Variants in ZDHHC19 observed in about 807,000 individuals in gnomAD.
The protein encoded by ZDHHC19 is zDHHC palmitoyltransferase 19.
In ZDHHC19, 30 loss-of-function variants were observed where a neutral mutation model predicts 33.9. That is an observed-to-expected ratio of 0.88 (90% confidence interval 0.66 to 1.20). The LOEUF is 1.20. Among genes scored for constraint, ZDHHC19 ranks in the 50% most tolerant of loss-of-function variants. The probability of loss-of-function intolerance (pLI) is 0.00; values close to 1 mark genes in which losing one functional copy is unlikely to be tolerated. For missense variants in ZDHHC19, 364 were observed against 401.1 expected, an observed-to-expected ratio of 0.91 and a Z score of 0.79; for synonymous variants, 178 against 167.6, an observed-to-expected ratio of 1.06 and a Z score of -0.48.
At chr3:196,209,651 G>T in intron 2 of ZDHHC19, 136 bp from the exon 3 acceptor site, 1 of 1,171,226 alleles carries the variant, frequency 8.5e-7, no homozygotes, top group African/African-American at 1.5e-5. Flanking sequence ...CACTGAGCAA[G>T]CTGTCCAAGC....
At chr3:196,207,536 C>T in intron 4 of ZDHHC19, 33 bp from the exon 5 acceptor site, 1 of 1,506,082 alleles carries the variant, frequency 6.6e-7, no homozygotes, top group Non-Finnish European at 8.9e-7. Context: ...CTGCGGGACC[C>T]CCACGCCTGG....
rs1721924805 is a variant in ZDHHC19, at chr3:196,197,943, A to C, written c.*20-218T>G. The stretch of plus-strand genomic sequence containing the variant: ...AGTCAATGTTTCCTTTAAATAAAAG[A>C]GTCTCCCGCCACCCGCACCCCCTGG... On this transcript the variant is annotated intron_variant, in intron 7 of 7. Coordinates refer to ENST00000296326, the MANE Select transcript of ZDHHC19 (RefSeq NM_001039617.2). The surrounding 1 kb of genome is among the most constrained non-coding windows in gnomAD (Gnocchi z 4.4). 6.6e-6 allele frequency among the ~76,000 whole-genome samples: 1 copy of C among 152,044 alleles called. No homozygotes were observed. Among genetic ancestry groups the C allele is most frequent in the African/African-American group, 2.4e-5 (1 of 41,396 alleles).
At chr3:196,200,336 ATATATATG>A (rs1391213424) in intron 5 of ZDHHC19, among the ~76,000 whole-genome samples, 1 of 76,732 alleles carries the variant, frequency 1.3e-5, no homozygotes, top group Non-Finnish European at 2.7e-5. Context: ...GGATATATAT[ATATATATG>A]TATATATATA....
At chr3:196,206,420 C>T (rs1188582085) in intron 5 of ZDHHC19, among the ~76,000 whole-genome samples, 1 of 151,432 alleles carries the variant, frequency 6.6e-6, no homozygotes, top group Admixed American at 6.6e-5. Context: ...GCAATCACAG[C>T]TCACTGACTG....
rs4324488 is a variant in ZDHHC19, at chr3:196,204,997, C to G, written c.687+2401G>C. Among the ~76,000 whole-genome samples the G allele has an allele frequency of 6.2e-3, 937 of 151,958 alleles. 12 individuals carry two copies. Among genetic ancestry groups the G allele is most frequent in the African/African-American group, 0.022 (900 of 41,410 alleles). ...GGCTCACACCTGTTGTCTTAGCTAC[C>G]TGGGAGGCTGAGGTGGGAGGATCAC... On this transcript the variant is annotated intron_variant, in intron 5 of 7. Transcript: ENST00000296326.
intron 5 of ZDHHC19, 165 bp from the exon 6 acceptor site, chr3:196,199,039 T>C: frequency 1.7e-6 from 1 of 603,796 alleles, no homozygotes; most frequent in Non-Finnish European, 3.0e-6. Context: ...TGCCCCATCC[T>C]CCTCCTCTTG....
intron 5 of ZDHHC19, among the ~76,000 whole-genome samples, chr3:196,204,481 G>A (rs1031637348): frequency 6.6e-6 from 1 of 152,190 alleles, no homozygotes; most frequent in Non-Finnish European, 1.5e-5. Context: ...TGAAATTCCA[G>A]TGAAAATCCT....
At chr3:196,205,126 A>G (rs1325945491) in intron 5 of ZDHHC19, among the ~76,000 whole-genome samples, 2 of 152,124 alleles carry the variant, frequency 1.3e-5, no homozygotes, top group Non-Finnish European at 2.9e-5. Context: ...ACAAAAAACC[A>G]CATTCAATTA....
chr3:196,199,932 G>A (rs192148965), intron 5 of ZDHHC19, among the ~76,000 whole-genome samples: 7 of 151,898 alleles, frequency 4.6e-5, no homozygotes, highest in Admixed American at 6.6e-5. Context: ...GCGACAGAGC[G>A]ACACTCTGGC....
chr3:196,210,602 G>A lies in ZDHHC19; in HGVS notation c.268+14C>T. 6.2e-7 allele frequency: 1 copy of A among 1,613,904 alleles called. No homozygotes were observed. Among genetic ancestry groups the A allele is most frequent in the East Asian group, 2.2e-5 (1 of 44,872 alleles). On this transcript the variant is annotated intron_variant, in intron 2 of 7. Coordinates refer to ENST00000296326, the MANE Select transcript of ZDHHC19 (RefSeq NM_001039617.2). The stretch of plus-strand genomic sequence containing the variant: ...TGAGTGACACCTCCTTTTCCCAGGG[G>A]GCTGATGCCTCACCTTGATGTAAGA...
In ZDHHC19 at chr3:196,205,060, C is replaced by T. The variant is rs190184015; in HGVS notation, c.687+2338G>A. Among the ~76,000 whole-genome samples the T allele has an allele frequency of 1.4e-4, 21 of 152,172 alleles. No homozygotes were observed. The East Asian group carries it at 4.1e-3, about 29-fold the overall frequency. On this transcript the variant is annotated intron_variant, in intron 5 of 7. Transcript: ENST00000296326. ...GGTGGAGGTTGCAGTGAGCCAAGAT[C>T]GAGCCACTGCACTCCATCCTGGGTG...
intron 2 of ZDHHC19, among the ~76,000 whole-genome samples, chr3:196,210,359 A>AAG (rs1560142855): frequency 5.2e-5 from 7 of 134,066 alleles, no homozygotes; most frequent in African/African-American, 1.9e-4. Flanking sequence ...AAAGAAAGAA[A>AAG]GAAGGAAGGA....
At position 196,211,187 on chromosome 3, in the gene ZDHHC19, G is replaced by A; in HGVS notation, c.129C>T (p.Gly43=). The change falls in exon 1 of 8, where the codon GGC becomes GGT. Residue 43 remains glycine (G), a synonymous_variant. Coordinates refer to ENST00000296326, the MANE Select transcript of ZDHHC19 (RefSeq NM_001039617.2). ...AAACTCACGGGAATGCGAAGAAGAGGCCACTGAAAAAGACCAGCAGCACCA... is the reference window on the plus strand; with the variant it reads ...AAACTCACGGGAATGCGAAGAAGAGACCACTGAAAAAGACCAGCAGCACCA... The part of the protein sequence containing the change: ...FNVVLLVFFS[G]LFFAFPCRWL... 1 of 1,614,214 alleles carries A rather than the reference G, an allele frequency of 6.2e-7. No homozygotes were observed. Among genetic ancestry groups the A allele is most frequent in the Non-Finnish European group, 8.5e-7 (1 of 1,180,042 alleles).
chr3:196,211,238 G>C lies in ZDHHC19; in HGVS notation c.78C>G (p.Leu26=). 1 of 1,614,164 alleles carries C rather than the reference G, an allele frequency of 6.2e-7. No homozygotes were observed. Among genetic ancestry groups the C allele is most frequent in the Non-Finnish European group, 8.5e-7 (1 of 1,180,020 alleles). Reference sequence around the variant, plus strand: ...CATTGAAGGCAGCAAAGAGGCTAGGGAGGAACCAGGGACGTGGGACCAGAG... The same window carrying C: ...CATTGAAGGCAGCAAAGAGGCTAGGCAGGAACCAGGGACGTGGGACCAGAG... ...PLPLVPRPWF[L]PSLFAAFNVV... is the part of the protein sequence containing the mutation. The change falls in exon 1 of 8, where the codon CTC becomes CTG. Residue 26 remains leucine, a synonymous_variant. Coordinates refer to ENST00000296326, the MANE Select transcript of ZDHHC19 (RefSeq NM_001039617.2).
rs528124864 is a variant in ZDHHC19, at chr3:196,207,133, G to T, written c.687+265C>A. Reference sequence around the variant, plus strand: ...GATTTCAGGTTCCTCATCAACACGAGTGTGGAATGTAGCCTTACTCACCTC... The same window carrying T: ...GATTTCAGGTTCCTCATCAACACGATTGTGGAATGTAGCCTTACTCACCTC... On this transcript the variant is annotated intron_variant, in intron 5 of 7. Transcript: ENST00000296326. Among the ~76,000 whole-genome samples the T allele has an allele frequency of 5.9e-5, 9 of 152,306 alleles. No homozygotes were observed. The South Asian group carries it at 1.9e-3, about 32-fold the overall frequency.
Position 196,211,268 on chromosome 3 carries a change from GGGATGGGGCTCCTTCACCAGCGGCGT to G in ZDHHC19, c.22_47del (p.Thr8ProfsTer12). On this transcript the variant is annotated frameshift_variant, in exon 1 of 8. Transcript: ENST00000296326. LOFTEE classifies it high-confidence loss of function. ...ACCAGGGACGTGGGACCAGAGGCAG[GGGATGGGGCTCCTTCACCAGCGGCGT>G]GGCATCCGTTAAGAGTGTCATGGCT... 6.2e-7 allele frequency: 1 copy of G among 1,614,156 alleles called. No homozygotes were observed. The highest frequency in any genetic ancestry group is 1.7e-4 in the Middle Eastern group (1 of 6,060).
chr3:196,210,757 C>T lies in ZDHHC19; in HGVS notation c.147-20G>A, dbSNP rs766921567. The T allele has an allele frequency of 2.2e-5, 35 of 1,610,438 alleles. No homozygotes were observed. Among genetic ancestry groups the T allele is most frequent in the African/African-American group, 6.7e-5 (5 of 74,884 alleles). ...CTGCAACTGAGACCAGAGGCAGGCTCGGTCCTGAGCAGGGGCAGCCCAAAG... is the reference window on the plus strand; with the variant it reads ...CTGCAACTGAGACCAGAGGCAGGCTTGGTCCTGAGCAGGGGCAGCCCAAAG... On this transcript the variant is annotated intron_variant, in intron 1 of 7. Coordinates refer to ENST00000296326, the MANE Select transcript of ZDHHC19 (RefSeq NM_001039617.2).
intron 5 of ZDHHC19, among the ~76,000 whole-genome samples, chr3:196,200,966 T>G (rs1722292983): frequency 6.6e-6 from 1 of 151,692 alleles, no homozygotes; most frequent in Non-Finnish European, 1.5e-5. Context: ...AAATAAATTT[T>G]TATTTATTAG....
chr3:196,201,180 C>T (rs2108720199), intron 5 of ZDHHC19, among the ~76,000 whole-genome samples: 1 of 151,640 alleles, frequency 6.6e-6, no homozygotes, highest in East Asian at 2.0e-4. Flanking sequence ...TCAAGCGATT[C>T]TTCTGCTTCA....
Sources: gnomAD v4.1 joint callset for allele counts (sites outside exome capture counted in the v4.1 genomes callset) on GRCh38, gnomAD v4.1.1 for gene constraint, Gnocchi (gnomAD v3.1) non-coding constraint, MANE v1.5 for transcripts, NCBI Gene and HGNC (gene_info 2026-07-23, HGNC 2026-07-21) for gene names.